Variants in WDR41 observed in about 807,000 individuals in gnomAD.
The protein encoded by WDR41 is WD repeat domain 41, also known as WD repeat-containing protein 41.
WDR41 carries 63 observed loss-of-function variants against 69.3 expected under a neutral mutation model. The observed-to-expected ratio is 0.91, with a 90% CI of 0.74 to 1.12. The LOEUF (loss-of-function observed/expected upper bound fraction) is 1.12. WDR41 is among the 50% of genes most tolerant of loss of function. The pLI is 0.00. For synonymous variants in WDR41, 185 were observed against 192.1 expected (o/e 0.96, Z 0.31); for missense variants, 543 against 534.5 (o/e 1.02, Z -0.16).
At chr5:77,556,322 C>G (rs1301093111) in intron 1 of WDR41, among the ~76,000 whole-genome samples, 2 of 151,262 alleles carry the variant, frequency 1.3e-5, no homozygotes, top group East Asian at 3.9e-4. Context: ...CTAGGCTGGT[C>G]TAGAACTCCT....
At chr5:77,611,308 A>G (rs1260805625) in intron 1 of WDR41, among the ~76,000 whole-genome samples, 4 of 152,262 alleles carry the variant, frequency 2.6e-5, no homozygotes, top group Non-Finnish European at 5.9e-5. Flanking sequence ...AAGCAGATCT[A>G]ATAGACATCT....
chr5:77,548,741 G>A (rs1025533123), intron 1 of WDR41, among the ~76,000 whole-genome samples: 61 of 152,260 alleles, frequency 4.0e-4, no homozygotes, highest in African/African-American at 1.4e-3. Context: ...AGAACTAAAA[G>A]TAGAACTACC....
chr5:77,557,579 C>A (rs566205460), intron 1 of WDR41, among the ~76,000 whole-genome samples: 1 of 152,266 alleles, frequency 6.6e-6, no homozygotes, highest in African/African-American at 2.4e-5. Context: ...GCGTGAGCCA[C>A]TAGAACACTT....
At chr5:77,508,425 AC>A (rs1394411724) in intron 1 of WDR41, among the ~76,000 whole-genome samples, 5 of 152,240 alleles carry the variant, frequency 3.3e-5, no homozygotes, top group African/African-American at 9.6e-5. Context: ...TTTTATAAAA[AC>A]GTCTGTGTTT....
At chr5:77,493,820 C>T (rs1801893891), upstream of WDR41, among the ~76,000 whole-genome samples, 1 of 152,184 alleles carries the variant, frequency 6.6e-6, no homozygotes, top group African/African-American at 2.4e-5. Flanking sequence ...TATCCACATT[C>T]TTTAGGGTTT....
Position 77,601,919 on chromosome 5 carries a change from T to A in WDR41, c.42+18560A>T, listed in dbSNP as rs142072167. The stretch of plus-strand genomic sequence containing the variant: ...ATGTGTAATGATCAAGTCAGGGTAT[T>A]TGAATCCATTAGCTCAAGTATTTAC... On this transcript the variant is annotated intron_variant, in intron 1 of 5. Coordinates refer to the WDR41 transcript ENST00000509971. Among the ~76,000 whole-genome samples, 204 of 152,334 alleles carry A rather than the reference T, an allele frequency of 1.3e-3. 3 individuals are homozygous for A. The highest frequency in any genetic ancestry group is 0.012 in the Admixed American group (179 of 15,300).
chr5:77,480,010 G>A (rs1456833321), intron 2 of WDR41: 6 of 151,898 alleles, frequency 4.0e-5, no homozygotes, highest in African/African-American at 7.3e-5. Context: ...AAAAGTGGGC[G>A]AAGGACATGA....
chr5:77,548,355 G>A (rs1004081219), intron 1 of WDR41, among the ~76,000 whole-genome samples: 1 of 152,174 alleles, frequency 6.6e-6, no homozygotes, highest in African/African-American at 2.4e-5. Flanking sequence ...AACCCACAGA[G>A]TGGGAAGAAA....
chr5:77,464,236 G>T (rs867689762), intron 3 of WDR41, among the ~76,000 whole-genome samples: 15 of 136,882 alleles, frequency 1.1e-4, no homozygotes, highest in Middle Eastern at 7.6e-3. Flanking sequence ...TGTATTTTTT[G>T]AATTTTCATA....
intron 2 of WDR41, among the ~76,000 whole-genome samples, chr5:77,472,349 T>G (rs1222859042): frequency 1.3e-5 from 2 of 151,922 alleles, no homozygotes; most frequent in East Asian, 3.9e-4. Flanking sequence ...AAGCATTCCC[T>G]TTGAAAACTG....
chr5:77,590,885 G>A lies in WDR41; in HGVS notation c.42+29594C>T, dbSNP rs1049619809. 2.0e-5 allele frequency among the ~76,000 whole-genome samples: 3 copies of A among 152,302 alleles called. No homozygotes were observed. In the East Asian group the frequency reaches 5.8e-4, roughly 29 times the overall value. On this transcript the variant is annotated intron_variant, in intron 1 of 5. Transcript: ENST00000509971. ...AAAGGTTATGCTGGTCTCATAGAAT[G>A]AGTTGGAAAGTGCTCCCTCTTTTTT...
chr5:77,593,468 T>C (rs1009809838), intron 1 of WDR41, among the ~76,000 whole-genome samples: 24 of 152,276 alleles, frequency 1.6e-4, no homozygotes, highest in African/African-American at 5.5e-4. Context: ...AGGAGAATGA[T>C]TAAATGAATT....
chr5:77,615,147 G>T (rs997457382), intron 1 of WDR41, among the ~76,000 whole-genome samples: 7 of 152,096 alleles, frequency 4.6e-5, no homozygotes, highest in Non-Finnish European at 1.0e-4. Flanking sequence ...AACTCTACAA[G>T]TTTATTAATG....
intron 1 of WDR41, among the ~76,000 whole-genome samples, chr5:77,557,654 C>T (rs1248867661): frequency 6.6e-6 from 1 of 152,168 alleles, no homozygotes; most frequent in Non-Finnish European, 1.5e-5. Flanking sequence ...GCATTAATTG[C>T]TTAGTGGATT....
At chr5:77,458,247 A>G (rs1042534756) in intron 5 of WDR41, among the ~76,000 whole-genome samples, 1 of 152,152 alleles carries the variant, frequency 6.6e-6, no homozygotes, top group Non-Finnish European at 1.5e-5. Context: ...GACTAAGTTG[A>G]TATTTTGAAC....
intron 1 of WDR41, among the ~76,000 whole-genome samples, chr5:77,605,665 C>T (rs1055944332): frequency 6.6e-6 from 1 of 152,166 alleles, no homozygotes; most frequent in Non-Finnish European, 1.5e-5. Flanking sequence ...ATGGCAGTAT[C>T]CACAGACACA....
chr5:77,569,363 C>T (rs1020357894), intron 1 of WDR41, among the ~76,000 whole-genome samples: 1 of 152,082 alleles, frequency 6.6e-6, no homozygotes, highest in African/African-American at 2.4e-5. Context: ...TAAGTACATG[C>T]AACTAATTTT....
chr5:77,574,284 C>G (rs3846676), intron 1 of WDR41, among the ~76,000 whole-genome samples: 5,265 of 151,712 alleles, frequency 0.035, 132 homozygotes, highest in Middle Eastern at 0.095. Flanking sequence ...GGCAACAGAG[C>G]GAGACTCCAT....
At chr5:77,495,604 T>C (rs1054111748), upstream of WDR41, among the ~76,000 whole-genome samples, 3 of 151,900 alleles carry the variant, frequency 2.0e-5, no homozygotes, top group Non-Finnish European at 2.9e-5. Context: ...CTATAGCAAG[T>C]AAAGAGATTG....
Sources: gnomAD v4.1 joint callset for allele counts (sites outside exome capture counted in the v4.1 genomes callset) on GRCh38, gnomAD v4.1.1 for gene constraint, MANE v1.5 for transcripts, NCBI Gene and HGNC (gene_info 2026-07-23, HGNC 2026-07-21) for gene names.